Variants in LPCAT2 observed in about 807,000 individuals in gnomAD.
LPCAT2 encodes the protein lysophosphatidylcholine acyltransferase 2.
In LPCAT2, 58 loss-of-function variants were observed where a neutral mutation model predicts 64.7. The ratio of observed to expected loss-of-function variants is 0.90; its 90% CI spans 0.73 to 1.12. The LOEUF is 1.12. Among genes scored for constraint, LPCAT2 ranks in the 50% most tolerant of loss-of-function variants. The pLI is 0.00. For synonymous variants in LPCAT2, 252 were observed against 245.3 expected, an observed-to-expected ratio of 1.03 and a Z score of -0.26; for missense variants, 579 against 669.8, an observed-to-expected ratio of 0.86 and a Z score of 1.50.
intron 13 of LPCAT2, 57 bp from the exon 14 acceptor site, chr16:55,582,857 A>C: frequency 8.6e-7 from 1 of 1,156,606 alleles, no homozygotes; most frequent in Non-Finnish European, 1.3e-6. Context: ...ATTAATCTGC[A>C]TCATGCCAAA....
At chr16:55,543,753 T>C (rs1290116565) in intron 8 of LPCAT2, among the ~76,000 whole-genome samples, 1 of 152,068 alleles carries the variant, frequency 6.6e-6, no homozygotes, top group Non-Finnish European at 1.5e-5. Flanking sequence ...ACTTCAGAGA[T>C]CGTTTAGTTA....
At chr16:55,518,912 A>T (rs1407495533) in intron 1 of LPCAT2, among the ~76,000 whole-genome samples, 1 of 152,178 alleles carries the variant, frequency 6.6e-6, no homozygotes, top group Non-Finnish European at 1.5e-5. Context: ...GCCACCAAAG[A>T]CAGAATGGGT....
intron 13 of LPCAT2, among the ~76,000 whole-genome samples, chr16:55,580,617 G>T (rs1384349460): frequency 6.6e-6 from 1 of 152,110 alleles, no homozygotes; most frequent in Non-Finnish European, 1.5e-5. Flanking sequence ...TGTTTAAAAA[G>T]TAGATATTGA....
At chr16:55,582,237 G>T (rs1415488107) in intron 13 of LPCAT2, among the ~76,000 whole-genome samples, 1 of 152,146 alleles carries the variant, frequency 6.6e-6, no homozygotes, top group Non-Finnish European at 1.5e-5. Flanking sequence ...AAACCCCTGT[G>T]TGCCCTTTCC....
In LPCAT2 at chr16:55,579,190, C is replaced by A; in HGVS notation, c.1396C>A (p.Leu466Ile). The A allele has an allele frequency of 6.2e-7, 1 of 1,613,442 alleles. No individual in the cohort carries two copies. Among genetic ancestry groups the A allele is most frequent in the Non-Finnish European group, 8.5e-7 (1 of 1,179,596 alleles). ...ILQASLGVPD[L>I]DVSGLFKEIA... ...ACAGGCTTCCCTTGGAGTGCCTGACCTTGATGTTTCTGGTCTCTTCAAGGA... is the reference window on the plus strand; with the variant it reads ...ACAGGCTTCCCTTGGAGTGCCTGACATTGATGTTTCTGGTCTCTTCAAGGA... The change falls in exon 13 of 14, where the codon CTT (leucine) becomes ATT (isoleucine). Residue 466 changes from leucine to isoleucine, a missense_variant. Physicochemically the swap from Leu to Ile is conservative, Grantham distance 5 (BLOSUM62 2). Transcript: ENST00000262134.
At chr16:55,518,898 A>T (rs1963052606) in intron 1 of LPCAT2, among the ~76,000 whole-genome samples, 1 of 152,174 alleles carries the variant, frequency 6.6e-6, no homozygotes, top group Non-Finnish European at 1.5e-5. Context: ...CAACGAAAGT[A>T]CTAGCCACCA....
intron 1 of LPCAT2, among the ~76,000 whole-genome samples, chr16:55,515,277 A>G (rs1962994569): frequency 6.6e-6 from 1 of 152,218 alleles, no homozygotes; most frequent in Non-Finnish European, 1.5e-5. Flanking sequence ...AATCCTCAAC[A>G]AGATTAATGA....
At chr16:55,556,394 A>G (rs1963574920) in intron 11 of LPCAT2, among the ~76,000 whole-genome samples, 1 of 152,222 alleles carries the variant, frequency 6.6e-6, no homozygotes, top group Admixed American at 6.5e-5. Context: ...TGTGCTCATC[A>G]GGATTTTTAA....
chr16:55,583,094 AC>A lies in LPCAT2; in HGVS notation c.1632del (p.Ter545GlufsTer15), dbSNP rs759421727. 2 of 1,610,472 alleles carry A rather than the reference AC, an allele frequency of 1.2e-6. No individual in the cohort carries two copies. The highest frequency in any genetic ancestry group is 2.7e-5 in the African/African-American group (2 of 74,724). On this transcript the variant is annotated frameshift_variant, in exon 14 of 14. Transcript: ENST00000262134. LOFTEE classifies it high-confidence loss of function. ...HEESTSDKKD[D>X] ...GAGAGTACCTCAGACAAAAAAGATG[AC>A]TGAAAGCAGTATTTCCAATAAGGAA...
intron 1 of LPCAT2, among the ~76,000 whole-genome samples, chr16:55,514,376 G>A (rs2142387512): frequency 6.6e-6 from 1 of 152,302 alleles, no homozygotes; most frequent in South Asian, 2.1e-4. Context: ...TGTTTATGAT[G>A]TACCCCAACA....
At chr16:55,517,150 A>G (rs1963024670) in intron 1 of LPCAT2, among the ~76,000 whole-genome samples, 2 of 152,148 alleles carry the variant, frequency 1.3e-5, no homozygotes, top group African/African-American at 4.8e-5. Context: ...AGAAGACTCA[A>G]ATTAAGAGAG....
At chr16:55,541,247 C>G (rs1963392828) in intron 8 of LPCAT2, 1 of 151,944 alleles carries the variant, frequency 6.6e-6, no homozygotes, top group Admixed American at 6.6e-5. Flanking sequence ...GCCTAAAATA[C>G]TCTGTTGTGG....
chr16:55,518,346 C>A (rs1396781242), intron 1 of LPCAT2, among the ~76,000 whole-genome samples: 1 of 152,118 alleles, frequency 6.6e-6, no homozygotes, highest in East Asian at 1.9e-4. Flanking sequence ...AATGACACTT[C>A]CCAAACTGAT....
rs1963860856 is a variant in LPCAT2 at position 55,579,098 on chromosome 16, A to T, written c.1315-11A>T. 2 of 1,611,034 alleles carry T rather than the reference A, an allele frequency of 1.2e-6. No individual in the cohort carries two copies. Among genetic ancestry groups the T allele is most frequent in the African/African-American group, 2.7e-5 (2 of 74,734 alleles). On this transcript the variant is annotated splice_polypyrimidine_tract_variant and intron_variant, in intron 12 of 13. Coordinates refer to ENST00000262134, the MANE Select transcript of LPCAT2 (RefSeq NM_017839.5). ...CTGAGGGAGCTAATTCTTACATTTT[A>T]TTTTCTTCAGCTGTTTGACGTTGAT...
chr16:55,569,931 A>C (rs184284812), intron 11 of LPCAT2, among the ~76,000 whole-genome samples: 1 of 152,296 alleles, frequency 6.6e-6, no homozygotes, highest in Non-Finnish European at 1.5e-5. Context: ...CTTTTTAAAA[A>C]TTTGCCTGCT....
intron 1 of LPCAT2, among the ~76,000 whole-genome samples, chr16:55,522,146 A>G (rs1963105949): frequency 6.6e-6 from 1 of 151,790 alleles, no homozygotes; most frequent in African/African-American, 2.4e-5. Context: ...GAACTTGGCC[A>G]GGTCATAGGA....
chr16:55,540,783 A>G, intron 8 of LPCAT2: 1 of 204,860 alleles, frequency 4.9e-6, no homozygotes, highest in Non-Finnish European at 9.8e-6. Flanking sequence ...CTGAAACTGC[A>G]AGAAATACCA....
rs1178107691 is a variant in LPCAT2, at chr16:55,545,744, G to A, written c.862G>A (p.Val288Ile). 3.1e-6 allele frequency: 5 copies of A among 1,611,436 alleles called. No individual in the cohort carries two copies. The highest frequency in any genetic ancestry group is 4.2e-6 in the Non-Finnish European group (5 of 1,178,634). The change falls in exon 9 of 14, where the codon GTT becomes ATT. Residue 288 changes from valine to isoleucine, a missense_variant. Transcript: ENST00000262134. ...FTKVEVEFMPVQVPNDEEKND... is the reference protein window; with the variant it reads ...FTKVEVEFMPIQVPNDEEKND... Reference sequence around the variant, plus strand: ...TATATTTGTCTTTCAGTTTATGCCAGTTCAAGTACCAAATGATGAAGAAAA... The same window carrying A: ...TATATTTGTCTTTCAGTTTATGCCAATTCAAGTACCAAATGATGAAGAAAA...
intron 11 of LPCAT2, among the ~76,000 whole-genome samples, chr16:55,563,723 A>G (rs924676631): frequency 6.6e-6 from 1 of 151,892 alleles, no homozygotes; most frequent in Admixed American, 6.6e-5. Flanking sequence ...ACCATATATG[A>G]AAAGTTGATA....
Sources: gnomAD v4.1 joint callset for allele counts (sites outside exome capture counted in the v4.1 genomes callset) on GRCh38, gnomAD v4.1.1 for gene constraint, MANE v1.5 for transcripts, NCBI Gene and HGNC (gene_info 2026-07-23, HGNC 2026-07-21) for gene names.